MYOM1: variants seen among roughly 807,000 people sequenced by gnomAD.
The protein encoded by MYOM1 is myomesin-1.
In MYOM1, 164 loss-of-function variants were observed where a neutral mutation model predicts 205.3. That is an observed-to-expected ratio of 0.80 (90% CI 0.70 to 0.91). MYOM1 has a LOEUF of 0.91. Ranked by LOEUF, MYOM1 falls within the 40% of genes least tolerant of loss-of-function variation. MYOM1 has a pLI of 0.00. For missense variants in MYOM1, 2,011 were observed against 2,127.3 expected, an observed-to-expected ratio of 0.95 and a Z score of 1.08; for synonymous variants, 772 against 789.4, an observed-to-expected ratio of 0.98 and a Z score of 0.37.
At chr18:3,182,876 G>A in intron 5 of MYOM1, among the ~76,000 whole-genome samples, 1 of 150,838 alleles carries the variant, frequency 6.6e-6, no homozygotes, top group East Asian at 1.9e-4. Flanking sequence ...CACGGTAGGG[G>A]TGCAGCAGCA....
chr18:3,130,678 A>G (rs2079862635), intron 17 of MYOM1, among the ~76,000 whole-genome samples: 1 of 151,776 alleles, frequency 6.6e-6, no homozygotes, highest in Admixed American at 6.6e-5. Context: ...TTGGTCTCAA[A>G]CTCCTGGACT....
intron 18 of MYOM1, among the ~76,000 whole-genome samples, chr18:3,128,178 C>A (rs2079822091): frequency 6.6e-6 from 1 of 152,206 alleles, no homozygotes; most frequent in Non-Finnish European, 1.5e-5. Flanking sequence ...CACTTACCAA[C>A]CTCCTTTATT....
At chr18:3,183,878 G>A (rs533649142) in intron 5 of MYOM1, among the ~76,000 whole-genome samples, 1 of 151,512 alleles carries the variant, frequency 6.6e-6, no homozygotes, top group Non-Finnish European at 1.5e-5. Context: ...AAGTCAATTA[G>A]CACTCCAGTG....
chr18:3,200,105 A>G (rs943939843), intron 2 of MYOM1, among the ~76,000 whole-genome samples: 1 of 152,030 alleles, frequency 6.6e-6, no homozygotes, highest in African/African-American at 2.4e-5. Context: ...CCAAATTATT[A>G]TTAAACAAAA....
At chr18:3,247,281 GCTAGC>G in the MYOM1 span, 130 of 152,418 alleles carry the variant, frequency 8.5e-4, 3 homozygotes, top group South Asian at 0.027. Context: ...TGCACACAGA[GCTAGC>G]ATCAAGATCC....
At chr18:3,068,723 C>G (rs770823755) in intron 37 of MYOM1, among the ~76,000 whole-genome samples, 1 of 152,124 alleles carries the variant, frequency 6.6e-6, no homozygotes, top group Non-Finnish European at 1.5e-5. Flanking sequence ...TAGTTTATCC[C>G]TTGTTCTTGC....
At chr18:3,103,970 T>C (rs1296397060) in intron 22 of MYOM1, among the ~76,000 whole-genome samples, 1 of 152,222 alleles carries the variant, frequency 6.6e-6, no homozygotes, top group African/African-American at 2.4e-5. Context: ...TCCTTTTTCT[T>C]AAACAAAGGG....
chr18:3,238,058 T>G, the MYOM1 span, among the ~76,000 whole-genome samples: 19 of 152,174 alleles, frequency 1.2e-4, no homozygotes, highest in African/African-American at 4.6e-4. Context: ...TCTGTTATTA[T>G]TACATTGTAA....
chr18:3,203,737 T>G (rs1375000664), intron 2 of MYOM1, among the ~76,000 whole-genome samples: 1 of 151,536 alleles, frequency 6.6e-6, no homozygotes, highest in Non-Finnish European at 1.5e-5. Context: ...TCTTTTTTTT[T>G]TTTTCCAAAA....
chr18:3,093,265 C>A (rs1183757689), intron 26 of MYOM1, among the ~76,000 whole-genome samples: 3 of 152,188 alleles, frequency 2.0e-5, no homozygotes. Context: ...CTCCTCTGCC[C>A]TTTCAGTTTC....
intron 2 of MYOM1, among the ~76,000 whole-genome samples, chr18:3,203,057 G>A (rs546530660): frequency 4.6e-4 from 69 of 151,594 alleles, no homozygotes; most frequent in African/African-American, 1.4e-3. Flanking sequence ...TATTGGTCAA[G>A]AAGAAATCAC....
At position 3,135,234 on chromosome 18, in the gene MYOM1, G is replaced by A; in HGVS notation, c.2209+313C>T. 3.5e-6 allele frequency: 1 copy of A among 286,228 alleles called. No individual in the cohort carries two copies. The highest frequency in any genetic ancestry group is 6.6e-6 in the Non-Finnish European group (1 of 151,482). The allele number at this position is 286,228 out of a possible 1,614,324, so 17.7% of individuals were successfully genotyped here. On this transcript the variant is annotated intron_variant, in intron 15 of 37. Transcript: ENST00000356443. This position sits in a 1 kb window ranked among gnomAD's most constrained non-coding sequence, Gnocchi z 4.1. ...CAAAGTGCTCAGATTACAGACATGA[G>A]CCACCGCGCCTGGCCTACATTGTAT...
rs780023288 is a variant in MYOM1 at position 3,214,995 on chromosome 18, C to T, written c.229G>A (p.Ala77Thr). The T allele has an allele frequency of 1.9e-6, 3 of 1,611,600 alleles. No individual in the cohort carries two copies. Among genetic ancestry groups the T allele is most frequent in the Non-Finnish European group, 1.7e-6 (2 of 1,178,782 alleles). ...TTCCGACTGACTTCAGAGCTCAGGG[C>T]GTGCTGCGAGGCCTGCTGCTGGGAG... Reference protein sequence around the residue: ...SSSQQQASQHALSSEVSRKAA... With the variant: ...SSSQQQASQHTLSSEVSRKAA... The change falls in exon 2 of 38, where the codon GCC becomes ACC. Residue 77 changes from alanine to threonine, a missense_variant. Transcript: ENST00000356443.
chr18:3,160,114 TCTC>T lies in MYOM1; in HGVS notation c.1501+4161_1501+4163del, dbSNP rs557617828. On this transcript the variant is annotated intron_variant, in intron 10 of 37. Coordinates refer to ENST00000356443, the MANE Select transcript of MYOM1 (RefSeq NM_003803.4). ...TTCTTCTCCTCCTCCTTCTTCTTCT[TCTC>T]TTCCTCCTCCTCCTCCTCCTTCCTT... Among the ~76,000 whole-genome samples the T allele has an allele frequency of 1.8e-4, 26 of 147,908 alleles. No homozygotes were observed. In the South Asian group the frequency reaches 5.2e-3, roughly 30 times the overall value.
In MYOM1 at chr18:3,112,098, G is replaced by T. The variant is rs8096115; in HGVS notation, c.3418+200C>A. On this transcript the variant is annotated intron_variant, in intron 22 of 37. Transcript: ENST00000356443. The stretch of plus-strand genomic sequence containing the variant: ...TGCATCAGAACAGCCCCTAGACCAC[G>T]TCAAACCTGGCTCAACCCTGTCCTG... Among the ~76,000 whole-genome samples the T allele has an allele frequency of 0.57, 86,114 of 152,216 alleles. 25,031 individuals carry two copies. Among genetic ancestry groups the T allele is most frequent in the East Asian group, 0.78 (4,058 of 5,186 alleles).
chr18:3,188,711 C>G (rs538695446), intron 4 of MYOM1, 37 bp downstream of exon 4: 1 of 1,488,026 alleles, frequency 6.7e-7, no homozygotes. Context: ...ACATGCATTT[C>G]CACCTTTGTA....
chr18:3,210,910 T>A (rs1483264533), intron 2 of MYOM1, among the ~76,000 whole-genome samples: 2 of 152,188 alleles, frequency 1.3e-5, no homozygotes, highest in Non-Finnish European at 2.9e-5. Context: ...AAGATAAAAA[T>A]TTCTACTGCT....
intron 2 of MYOM1, among the ~76,000 whole-genome samples, chr18:3,205,030 C>T (rs935100620): frequency 2.2e-4 from 33 of 152,024 alleles, no homozygotes; most frequent in African/African-American, 6.7e-4. Context: ...TGTGAAAGGA[C>T]GAATTTAGAG....
At chr18:3,110,228 G>A (rs1444250305) in intron 22 of MYOM1, among the ~76,000 whole-genome samples, 2 of 151,966 alleles carry the variant, frequency 1.3e-5, no homozygotes, top group African/African-American at 4.8e-5. Flanking sequence ...TGTGCGTGGG[G>A]GTGTGCGTGT....
Sources: allele counts gnomAD v4.1 joint callset (sites outside exome capture counted in the v4.1 genomes callset), GRCh38; gene constraint gnomAD v4.1.1; non-coding constraint Gnocchi (gnomAD v3.1); transcripts MANE v1.5; gene names NCBI Gene and HGNC (gene_info 2026-07-23, HGNC 2026-07-21).